CUBN: variants seen among roughly 807,000 people sequenced by gnomAD.
The protein encoded by CUBN is 460 kDa receptor.
CUBN carries 282 observed loss-of-function variants against 405.3 expected under a neutral mutation model. That is an observed-to-expected ratio of 0.70 (90% CI 0.63 to 0.77). The LOEUF (loss-of-function observed/expected upper bound fraction) is 0.77, where lower values mean the gene tolerates loss of function less well. Ranked by LOEUF, CUBN falls within the 30% of genes least tolerant of loss-of-function variation. CUBN has a pLI of 0.00. For synonymous variants in CUBN, 1,684 were observed against 1,617.0 expected, an observed-to-expected ratio of 1.04 and a Z score of -0.99; for missense variants, 4,514 against 4,475.2, an observed-to-expected ratio of 1.01 and a Z score of -0.25.
Position 17,109,625 on chromosome 10 carries a change from G to T in CUBN, c.1111+15C>A. On this transcript the variant is annotated intron_variant, in intron 10 of 66. Transcript: ENST00000377833. ...ATTACAATACCCAAAGCCAAAGAGA[G>T]AGATGAGTCATTACCTAGAGTTGAG... 6.2e-7 allele frequency: 1 copy of T among 1,600,894 alleles called. No individual in the cohort carries two copies. The highest frequency in any genetic ancestry group is 8.6e-7 in the Non-Finnish European group (1 of 1,167,882).
intron 51 of CUBN, among the ~76,000 whole-genome samples, chr10:16,903,594 T>C (rs564873640): frequency 8.2e-4 from 123 of 149,228 alleles, no homozygotes; most frequent in Middle Eastern, 7.2e-3. Flanking sequence ...AATTATAAAA[T>C]TTATAATAAT....
chr10:17,043,699 T>G, intron 26 of CUBN, 128 bp downstream of exon 26: 1 of 1,301,608 alleles, frequency 7.7e-7, no homozygotes, highest in Non-Finnish European at 1.1e-6. Flanking sequence ...TTCAAGAATT[T>G]GAAGGCCCAC....
At chr10:16,916,105 T>C in intron 45 of CUBN, 75 bp from the exon 46 acceptor site, 1 of 1,452,978 alleles carries the variant, frequency 6.9e-7, no homozygotes, top group South Asian at 1.2e-5. Flanking sequence ...ACAAATTTTG[T>C]TTTCTTCATT....
chr10:17,068,642 GT>G lies in CUBN; in HGVS notation c.2753del (p.Asn918ThrfsTer46), dbSNP rs1564502162. 1 of 1,613,158 alleles carries G rather than the reference GT, an allele frequency of 6.2e-7. No individual in the cohort carries two copies. Among genetic ancestry groups the G allele is most frequent in the Admixed American group, 1.7e-5 (1 of 59,968 alleles). ...CACTGAACTTAGCCATGAAACCATG[GT>G]TTTCAGTAGAAGAACTTTTCACGAA... ...VTFVKSSSTE[N>X]HGFMAKFSAE... On this transcript the variant is annotated frameshift_variant, in exon 20 of 67. Coordinates refer to ENST00000377833, the MANE Select transcript of CUBN (RefSeq NM_001081.4). LOFTEE classifies it high-confidence loss of function.
At chr10:17,087,469 TTTC>T (rs1438896111) in intron 15 of CUBN, among the ~76,000 whole-genome samples, 3 of 97,904 alleles carry the variant, frequency 3.1e-5, no homozygotes, top group Admixed American at 1.2e-4. Context: ...TATTTTTCTT[TTTC>T]TTTTTTTTTT....
At chr10:17,047,666 C>T in intron 22 of CUBN, 63 bp from the exon 23 acceptor site, 22 of 1,372,542 alleles carry the variant, frequency 1.6e-5, no homozygotes, top group Non-Finnish European at 2.2e-5. Context: ...ATAATACATC[C>T]AGTAATATGT....
intron 31 of CUBN, among the ~76,000 whole-genome samples, chr10:16,955,302 G>C (rs1022154481): frequency 6.7e-6 from 1 of 149,332 alleles, no homozygotes; most frequent in Non-Finnish European, 1.5e-5. Context: ...GAACCTGGGA[G>C]GCGGAGGTTG....
intron 59 of CUBN, among the ~76,000 whole-genome samples, chr10:16,866,457 A>C (rs1840186519): frequency 6.6e-6 from 1 of 152,220 alleles, no homozygotes; most frequent in African/African-American, 2.4e-5. Flanking sequence ...GCAGCAACTA[A>C]ACTAGCAGAA....
chr10:17,128,242 C>A (rs1837244621), intron 2 of CUBN, among the ~76,000 whole-genome samples: 1 of 152,162 alleles, frequency 6.6e-6, no homozygotes, highest in South Asian at 2.1e-4. Flanking sequence ...CCTGGCTCAG[C>A]TATTTATTGC....
Position 17,043,919 on chromosome 10 carries a change from G to A in CUBN, c.3737C>T (p.Pro1246Leu), listed in dbSNP as rs760382735. Residue 1246 changes from proline to leucine, a missense_variant, in exon 26 of 67, where the codon CCT becomes CTT. Around this residue, in one of 5 missense-constraint regions of CUBN, gnomAD observed 242 missense variants for 309.0 expected, o/e 0.78. Transcript: ENST00000377833. ...LTQLCGDEKP[P>L]LIRSSGDSMF... is the part of the protein sequence containing the mutation. ...GCTGTCTCCACTAGAACGAATAAGAGGGGGTTTCTCATCCCCACAAAGCTG... is the reference window on the plus strand; with the variant it reads ...GCTGTCTCCACTAGAACGAATAAGAAGGGGTTTCTCATCCCCACAAAGCTG... 6.2e-7 allele frequency: 1 copy of A among 1,613,626 alleles called. No homozygotes were observed. Among genetic ancestry groups the A allele is most frequent in the Non-Finnish European group, 8.5e-7 (1 of 1,179,752 alleles).
intron 56 of CUBN, among the ~76,000 whole-genome samples, chr10:16,880,897 T>G (rs1840650153): frequency 2.0e-5 from 3 of 152,280 alleles, no homozygotes; most frequent in South Asian, 4.1e-4. Context: ...AAGACTGAAC[T>G]TCAATGGCCT....
intron 62 of CUBN, among the ~76,000 whole-genome samples, chr10:16,839,081 G>A (rs1358143097): frequency 6.6e-6 from 1 of 152,202 alleles, no homozygotes; most frequent in East Asian, 1.9e-4. Context: ...ACTAACTAGA[G>A]GTATTTCTCC....
intron 31 of CUBN, among the ~76,000 whole-genome samples, chr10:16,968,742 G>A (rs75176901): frequency 0.013 from 2,018 of 152,320 alleles, 19 homozygotes; most frequent in Non-Finnish European, 0.022. Flanking sequence ...TTAACTGTCA[G>A]TCAGAGGTCA....
Position 17,073,049 on chromosome 10 carries a change from T to A in CUBN, c.2302-1078A>T, listed in dbSNP as rs115060845. ...ACTTTTAAGGAAGAGATAATTCCCA[T>A]GTATAATTTATTCTAAGCCATCCTC... On this transcript the variant is annotated intron_variant, in intron 17 of 66. Transcript: ENST00000377833. 9.3e-3 allele frequency among the ~76,000 whole-genome samples: 1,420 copies of A among 152,308 alleles called. 23 individuals are homozygous for A. Among genetic ancestry groups the A allele is most frequent in the African/African-American group, 0.031 (1,308 of 41,568 alleles).
chr10:16,845,616 T>C (rs1198742055), intron 60 of CUBN, among the ~76,000 whole-genome samples: 1 of 152,244 alleles, frequency 6.6e-6, no homozygotes, highest in African/African-American at 2.4e-5. Flanking sequence ...AGTATTGTTT[T>C]CTAAAATCTC....
chr10:16,988,392 T>C (rs937151934), intron 29 of CUBN, among the ~76,000 whole-genome samples: 1 of 152,198 alleles, frequency 6.6e-6, no homozygotes. Context: ...AGGCACCTTG[T>C]TTCTCCTCTG....
At chr10:17,075,077 T>C (rs1194710733) in intron 17 of CUBN, among the ~76,000 whole-genome samples, 3 of 118,254 alleles carry the variant, frequency 2.5e-5, no homozygotes, top group Admixed American at 8.3e-5. Flanking sequence ...TGTTTTCTTT[T>C]TTTTTTTTTT....
chr10:16,858,348 G>A (rs1839921488), intron 59 of CUBN, among the ~76,000 whole-genome samples: 1 of 151,976 alleles, frequency 6.6e-6, no homozygotes, highest in South Asian at 2.1e-4. Context: ...TAGGATAGAG[G>A]CTTGCTCTGT....
intron 21 of CUBN, among the ~76,000 whole-genome samples, chr10:17,067,392 T>C (rs1056397154): frequency 6.6e-6 from 1 of 152,110 alleles, no homozygotes; most frequent in East Asian, 1.9e-4. Context: ...GTAAAGTTAA[T>C]AGCAGATTAG....
Sources: allele counts gnomAD v4.1 joint callset (sites outside exome capture counted in the v4.1 genomes callset), GRCh38; gene constraint gnomAD v4.1.1; regional missense constraint gnomAD v4.1.1; transcripts MANE v1.5; gene names NCBI Gene and HGNC (gene_info 2026-07-23, HGNC 2026-07-21).